Variants in TMEM132C observed in about 807,000 individuals in gnomAD.
TMEM132C encodes the protein protein phosphatase 1, regulatory subunit 152.
In TMEM132C, 29 loss-of-function variants were observed where a neutral mutation model predicts 61.4. The ratio of observed to expected loss-of-function variants is 0.47; its 90% CI spans 0.35 to 0.64. TMEM132C has a LOEUF of 0.64. TMEM132C is among the 30% of genes least tolerant of loss of function. The probability of loss-of-function intolerance (pLI) is 0.00; values close to 1 mark genes in which losing one functional copy is unlikely to be tolerated. For synonymous variants in TMEM132C, 656 were observed against 633.1 expected, an observed-to-expected ratio of 1.04 and a Z score of -0.54; for missense variants, 1,408 against 1,476.9, an observed-to-expected ratio of 0.95 and a Z score of 0.76.
chr12:128,313,154 A>G (rs532677948), intron 1 of TMEM132C, among the ~76,000 whole-genome samples: 1 of 152,360 alleles, frequency 6.6e-6, no homozygotes, highest in Admixed American at 6.5e-5. Flanking sequence ...GGGGCAGCAC[A>G]GAGCCAGGCC....
intron 2 of TMEM132C, among the ~76,000 whole-genome samples, chr12:128,425,812 C>G (rs996896373): frequency 6.6e-6 from 1 of 152,226 alleles, no homozygotes; most frequent in Non-Finnish European, 1.5e-5. Context: ...TATCCCTGTC[C>G]TTTCTCTTAC....
intron 4 of TMEM132C, among the ~76,000 whole-genome samples, chr12:128,622,478 G>C (rs1323484623): frequency 6.8e-6 from 1 of 146,658 alleles, no homozygotes; most frequent in Non-Finnish European, 1.5e-5. Flanking sequence ...AAGACATCCT[G>C]TTGGGGTATC....
chr12:128,433,002 AAAATAAAT>A (rs72373120), intron 2 of TMEM132C, among the ~76,000 whole-genome samples: 51,020 of 146,322 alleles, frequency 0.35, 8,937 homozygotes, highest in East Asian at 0.38. Context: ...CACCAGCCAA[AAAATAAAT>A]AAATAAATAA....
At chr12:128,427,090 T>C (rs1869211390) in intron 2 of TMEM132C, among the ~76,000 whole-genome samples, 1 of 152,218 alleles carries the variant, frequency 6.6e-6, no homozygotes. Flanking sequence ...AAGGCATCTT[T>C]AGAGTCCCGT....
At chr12:128,331,154 C>G (rs527474267) in intron 1 of TMEM132C, among the ~76,000 whole-genome samples, 13 of 151,018 alleles carry the variant, frequency 8.6e-5, no homozygotes, top group Non-Finnish European at 1.6e-4. Context: ...CCTGTTTTCT[C>G]TACTCCTTCC....
chr12:128,339,717 G>C (rs931217276), intron 1 of TMEM132C, among the ~76,000 whole-genome samples: 2 of 151,598 alleles, frequency 1.3e-5, no homozygotes, highest in Admixed American at 6.6e-5. Context: ...GCAGCCTGCA[G>C]CTCTCCATGC....
intron 2 of TMEM132C, among the ~76,000 whole-genome samples, chr12:128,491,740 G>A (rs1021969602): frequency 4.6e-5 from 7 of 152,014 alleles, no homozygotes; most frequent in African/African-American, 1.7e-4. Flanking sequence ...GGACGAGGTT[G>A]TACCGGCTCT....
intron 1 of TMEM132C, among the ~76,000 whole-genome samples, chr12:128,355,194 C>T (rs1218582192): frequency 6.6e-6 from 1 of 152,120 alleles, no homozygotes; most frequent in Non-Finnish European, 1.5e-5. Flanking sequence ...GAGAGGCCTC[C>T]ATTTTCACAG....
intron 1 of TMEM132C, among the ~76,000 whole-genome samples, chr12:128,269,958 T>C (rs751216999): frequency 6.6e-6 from 1 of 152,218 alleles, no homozygotes; most frequent in Middle Eastern, 3.2e-3. Context: ...CTTTGCAATT[T>C]GTCAGGGTTC....
chr12:128,470,844 G>T (rs755151022), intron 2 of TMEM132C, among the ~76,000 whole-genome samples: 28 of 152,290 alleles, frequency 1.8e-4, no homozygotes, highest in Non-Finnish European at 3.4e-4. Flanking sequence ...TACATTCAAA[G>T]TGAATGTGCT....
chr12:128,488,687 ATAT>A (rs1330364995), intron 2 of TMEM132C, among the ~76,000 whole-genome samples: 3 of 151,706 alleles, frequency 2.0e-5, no homozygotes, highest in African/African-American at 7.2e-5. Flanking sequence ...GATATTATAA[ATAT>A]TATAATACTA....
At position 128,661,848 on chromosome 12, in the gene TMEM132C, A is replaced by G. The variant is rs188531266; in HGVS notation, c.1306-7569A>G. On this transcript the variant is annotated intron_variant, in intron 4 of 8. Transcript: ENST00000435159. Reference sequence around the variant, plus strand: ...AAACACAGGTTGATGAAAGTACAATATGATATATTTACATAAACTATGTAA... The same window carrying G: ...AAACACAGGTTGATGAAAGTACAATGTGATATATTTACATAAACTATGTAA... Among the ~76,000 whole-genome samples, 3 of 152,352 alleles carry G rather than the reference A, an allele frequency of 2.0e-5. No homozygotes were observed. The East Asian group carries it at 5.8e-4, about 29-fold the overall frequency.
At chr12:128,596,839 T>C (rs1174701826) in intron 3 of TMEM132C, among the ~76,000 whole-genome samples, 1 of 152,192 alleles carries the variant, frequency 6.6e-6, no homozygotes, top group Non-Finnish European at 1.5e-5. Flanking sequence ...GAAGACTGTT[T>C]GTTAATATTA....
At chr12:128,626,479 C>T (rs1211866466) in intron 4 of TMEM132C, among the ~76,000 whole-genome samples, 2 of 110,598 alleles carry the variant, frequency 1.8e-5, no homozygotes, top group Non-Finnish European at 3.5e-5. Flanking sequence ...GAGTCTCACT[C>T]TGTCACCCAG....
At chr12:128,489,281 G>T (rs564664406) in intron 2 of TMEM132C, among the ~76,000 whole-genome samples, 14 of 151,936 alleles carry the variant, frequency 9.2e-5, no homozygotes, top group Admixed American at 8.5e-4. Flanking sequence ...ATGATGAGAC[G>T]TGTGGTTTTT....
chr12:128,525,346 C>CTCTCTT (rs1555229773), intron 2 of TMEM132C, among the ~76,000 whole-genome samples: 15 of 133,964 alleles, frequency 1.1e-4, no homozygotes, highest in East Asian at 2.3e-4. Flanking sequence ...CTCTCTCTTT[C>CTCTCTT]TCTCTCTCTC....
intron 2 of TMEM132C, among the ~76,000 whole-genome samples, chr12:128,507,113 A>AT (rs1486731843): frequency 4.0e-5 from 6 of 151,802 alleles, no homozygotes; most frequent in Non-Finnish European, 5.9e-5. Context: ...GTTTTCCACC[A>AT]TTTTTTTCTT....
intron 2 of TMEM132C, chr12:128,439,060 T>C (rs1869693167): frequency 6.6e-6 from 1 of 152,256 alleles, no homozygotes; most frequent in African/African-American, 2.4e-5. Flanking sequence ...CTGGGACCTT[T>C]TCACATTTCA....
intron 2 of TMEM132C, among the ~76,000 whole-genome samples, chr12:128,478,628 T>G (rs897981): frequency 0.23 from 34,655 of 152,146 alleles, 4,349 homozygotes; most frequent in African/African-American, 0.33. Flanking sequence ...ATGACACCTG[T>G]CCCATCTTAT....
Sources: gnomAD v4.1 joint callset for allele counts (sites outside exome capture counted in the v4.1 genomes callset) on GRCh38, gnomAD v4.1.1 for gene constraint, MANE v1.5 for transcripts, NCBI Gene and HGNC (gene_info 2026-07-23, HGNC 2026-07-21) for gene names.